Variants in MIS18A observed in about 807,000 individuals in gnomAD.
MIS18A encodes the protein protein Mis18-alpha.
Under a neutral mutation model 25.0 loss-of-function variants are expected in MIS18A, and 14 were observed. That is an observed-to-expected ratio of 0.56 (90% CI 0.37 to 0.88). The LOEUF (loss-of-function observed/expected upper bound fraction) is 0.88. Ranked by LOEUF, MIS18A falls within the 40% of genes least tolerant of loss-of-function variation. The pLI is 0.00. For synonymous variants in MIS18A, 134 were observed against 118.6 expected, an observed-to-expected ratio of 1.13 and a Z score of -0.84; for missense variants, 292 against 290.8, an observed-to-expected ratio of 1.00 and a Z score of -0.03.
chr21:32,174,678 G>A, the MIS18A span, among the ~76,000 whole-genome samples: 1 of 152,134 alleles, frequency 6.6e-6, no homozygotes, highest in African/African-American at 2.4e-5. Flanking sequence ...ATCACAGTAA[G>A]AGTCATTAAC....
chr21:32,185,451 C>CTCCCAGGCT, the MIS18A span, among the ~76,000 whole-genome samples: 1 of 152,178 alleles, frequency 6.6e-6, no homozygotes, highest in Non-Finnish European at 1.5e-5. Context: ...GTCTGTGGTG[C>CTCCCAGGCT]TCCCAGGCTA....
chr21:32,162,996 G>C, the MIS18A span, among the ~76,000 whole-genome samples: 1 of 152,174 alleles, frequency 6.6e-6, no homozygotes, highest in Non-Finnish European at 1.5e-5. Flanking sequence ...AAATCCAGCA[G>C]AGCCTCTTCT....
chr21:32,274,835 A>G lies in MIS18A; in HGVS notation c.396T>C (p.Asn132=). The G allele has an allele frequency of 1.2e-6, 2 of 1,611,118 alleles. No individual in the cohort carries two copies. The highest frequency in any genetic ancestry group is 4.5e-5 in the East Asian group (2 of 44,848). ...EQKLSKREKE[N]GCVLETLCCA... ...ATAAATACAGTTTTACTCACCAACC[A>G]TTTTCCTTTTCACGTTTGGATAGCT... Residue 132 remains asparagine (N), a synonymous_variant, in exon 2 of 5, where the codon AAT becomes AAC. Transcript: ENST00000290130.
chr21:32,161,900 A>C, the MIS18A span, among the ~76,000 whole-genome samples: 1 of 152,022 alleles, frequency 6.6e-6, no homozygotes, highest in Non-Finnish European at 1.5e-5. Context: ...ATCAGAGGCA[A>C]AACTAGGATA....
the MIS18A span, among the ~76,000 whole-genome samples, chr21:32,245,591 G>C: frequency 1.3e-5 from 2 of 152,210 alleles, no homozygotes; most frequent in South Asian, 2.1e-4. Flanking sequence ...CAGGGCCAAA[G>C]GACTTCCAAG....
chr21:32,250,914 C>T, the MIS18A span, among the ~76,000 whole-genome samples: 18,797 of 152,182 alleles, frequency 0.12, 2,484 homozygotes, highest in African/African-American at 0.33. Flanking sequence ...CTACATGTGG[C>T]GGAAGGGATC....
the MIS18A span, among the ~76,000 whole-genome samples, chr21:32,188,607 G>C: frequency 1.3e-5 from 2 of 152,222 alleles, no homozygotes; most frequent in African/African-American, 4.8e-5. Flanking sequence ...TAAGTGCTCA[G>C]GGCTGGGTCC....
At chr21:32,255,364 C>T in the MIS18A span, among the ~76,000 whole-genome samples, 2 of 151,560 alleles carry the variant, frequency 1.3e-5, no homozygotes, top group African/African-American at 4.8e-5. Flanking sequence ...CTGAGTAGCT[C>T]GGATTACAGG....
downstream of MIS18A, among the ~76,000 whole-genome samples, chr21:32,265,010 G>C (rs1204515381): frequency 6.6e-6 from 1 of 152,222 alleles, no homozygotes; most frequent in African/African-American, 2.4e-5. Context: ...CCAGGTTCTG[G>C]AATCAGTTTC....
At chr21:32,273,611 T>C (rs2031753899) in intron 2 of MIS18A, among the ~76,000 whole-genome samples, 1 of 152,172 alleles carries the variant, frequency 6.6e-6, no homozygotes, top group Non-Finnish European at 1.5e-5. Flanking sequence ...CGACTAAGTA[T>C]TGAATGTTTC....
the MIS18A span, among the ~76,000 whole-genome samples, chr21:32,178,072 C>G: frequency 6.6e-6 from 1 of 151,976 alleles, no homozygotes; most frequent in South Asian, 2.1e-4. Flanking sequence ...GAGCATGCCA[C>G]TATACTAGGC....
chr21:32,184,812 T>C, the MIS18A span, among the ~76,000 whole-genome samples: 3 of 152,092 alleles, frequency 2.0e-5, no homozygotes, highest in African/African-American at 7.2e-5. Flanking sequence ...AAACCTCAAC[T>C]ACTCATTGCC....
chr21:32,254,686 AG>A, the MIS18A span, among the ~76,000 whole-genome samples: 1 of 152,220 alleles, frequency 6.6e-6, no homozygotes, highest in African/African-American at 2.4e-5. Context: ...AGGGAGGTTA[AG>A]TAACATGCTT....
At chr21:32,223,035 A>G in the MIS18A span, among the ~76,000 whole-genome samples, 332 of 152,262 alleles carry the variant, frequency 2.2e-3, 1 homozygote, top group African/African-American at 7.7e-3. Flanking sequence ...TACTGGGTAA[A>G]TAACAAAATT....
the MIS18A span, among the ~76,000 whole-genome samples, chr21:32,180,844 T>C: frequency 6.6e-6 from 1 of 152,202 alleles, no homozygotes; most frequent in Admixed American, 6.5e-5. Context: ...GTTCAGTCTC[T>C]TCTGAACATT....
At chr21:32,264,565 C>G (rs185670302), downstream of MIS18A, among the ~76,000 whole-genome samples, 78 of 152,280 alleles carry the variant, frequency 5.1e-4, no homozygotes, top group Non-Finnish European at 5.3e-4. Flanking sequence ...TTTCATTATA[C>G]AGATGCAAAA....
the MIS18A span, among the ~76,000 whole-genome samples, chr21:32,215,926 A>G: frequency 6.6e-6 from 1 of 152,312 alleles, no homozygotes; most frequent in African/African-American, 2.4e-5. Context: ...AAAAATTTAG[A>G]TCATAACAAA....
the MIS18A span, among the ~76,000 whole-genome samples, chr21:32,248,531 T>G: frequency 6.6e-6 from 1 of 152,144 alleles, no homozygotes; most frequent in Non-Finnish European, 1.5e-5. Context: ...GACTAAAACA[T>G]AGATAAATAC....
chr21:32,264,231 G>C (rs1346648365), downstream of MIS18A, among the ~76,000 whole-genome samples: 3 of 152,014 alleles, frequency 2.0e-5, no homozygotes, highest in African/African-American at 4.8e-5. Flanking sequence ...TGACTAGAAG[G>C]ATATACCTCA....
Sources: allele counts gnomAD v4.1 joint callset (sites outside exome capture counted in the v4.1 genomes callset), GRCh38; gene constraint gnomAD v4.1.1; transcripts MANE v1.5; gene names NCBI Gene and HGNC (gene_info 2026-07-23, HGNC 2026-07-21).